Variants in MAPK10 observed in about 807,000 individuals in gnomAD.
The protein encoded by MAPK10 is mitogen-activated protein kinase 10.
A neutral mutation model predicts 59.3 loss-of-function variants in MAPK10; 25 were observed. That is an observed-to-expected ratio of 0.42 (90% CI 0.31 to 0.59). The LOEUF is 0.59. Among genes scored for constraint, MAPK10 ranks in the 20% least tolerant of loss-of-function variants. The pLI is 0.15. For synonymous variants in MAPK10, 190 were observed against 200.5 expected (o/e 0.95, Z 0.44); for missense variants, 351 against 568.9 (o/e 0.62, Z 3.90).
intron 2 of MAPK10, among the ~76,000 whole-genome samples, chr4:86,252,396 G>A (rs1486358993): frequency 8.9e-6 from 1 of 112,316 alleles, no homozygotes; most frequent in African/African-American, 5.1e-5. Context: ...CATATGGCTA[G>A]CCAGTTTTCC....
chr4:86,099,432 C>T (rs1224687512), intron 8 of MAPK10: 1 of 152,184 alleles, frequency 6.6e-6, no homozygotes, highest in East Asian at 1.9e-4. Flanking sequence ...TCATTATGGA[C>T]AAAGGGAACT....
intron 1 of MAPK10, among the ~76,000 whole-genome samples, chr4:86,472,884 G>A (rs1392801652): frequency 6.6e-6 from 1 of 152,162 alleles, no homozygotes; most frequent in African/African-American, 2.4e-5. Context: ...GTACCCCAGG[G>A]AGAGGGTATT....
chr4:86,059,705 G>T (rs1164308031), intron 11 of MAPK10, among the ~76,000 whole-genome samples: 1 of 152,046 alleles, frequency 6.6e-6, no homozygotes, highest in African/African-American at 2.4e-5. Context: ...AGCCAAATTG[G>T]TTGAATTAGT....
chr4:86,357,111 T>C (rs1385001266), intron 1 of MAPK10: 1 of 152,208 alleles, frequency 6.6e-6, no homozygotes, highest in Non-Finnish European at 1.5e-5. Flanking sequence ...ATGTGTTTGC[T>C]TCTCATTCTA....
chr4:86,210,232 T>TAA (rs2085395038), intron 2 of MAPK10, among the ~76,000 whole-genome samples: 1 of 151,926 alleles, frequency 6.6e-6, no homozygotes, highest in Non-Finnish European at 1.5e-5. Context: ...ATTTCTTGAG[T>TAA]AATACCCCAC....
At chr4:86,372,568 GAAAAGAAAAGA>G (rs1439144669) in intron 1 of MAPK10, among the ~76,000 whole-genome samples, 12 of 29,086 alleles carry the variant, frequency 4.1e-4, no homozygotes, top group Middle Eastern at 0.022. Context: ...AAGAAAGAAA[GAAAAGAAAAGA>G]AAAGAAAAGA....
At chr4:86,316,191 A>G (rs920889183) in intron 2 of MAPK10, among the ~76,000 whole-genome samples, 3 of 152,210 alleles carry the variant, frequency 2.0e-5, no homozygotes, top group Non-Finnish European at 4.4e-5. Context: ...AAAAAGAGAT[A>G]GCAAATGGAA....
At chr4:86,416,592 T>C (rs561133163) in intron 1 of MAPK10, among the ~76,000 whole-genome samples, 4 of 152,178 alleles carry the variant, frequency 2.6e-5, no homozygotes, top group Non-Finnish European at 5.9e-5. Context: ...CTCCTGCTAC[T>C]GATGACAAGG....
intron 2 of MAPK10, among the ~76,000 whole-genome samples, chr4:86,252,454 C>G (rs1250535417): frequency 7.7e-6 from 1 of 130,658 alleles, no homozygotes; most frequent in Admixed American, 7.5e-5. Context: ...GCTTGTTTTT[C>G]TCAGGTTTGT....
intron 1 of MAPK10, among the ~76,000 whole-genome samples, chr4:86,490,226 A>C (rs1024368304): frequency 2.0e-5 from 3 of 152,202 alleles, no homozygotes; most frequent in Admixed American, 6.5e-5. Context: ...CTACTGCAAC[A>C]GTAGTATCTT....
intron 2 of MAPK10, among the ~76,000 whole-genome samples, chr4:86,280,988 G>A (rs955876898): frequency 2.6e-5 from 4 of 152,030 alleles, no homozygotes; most frequent in Non-Finnish European, 5.9e-5. Flanking sequence ...ACCACCTATA[G>A]GGTACAATGC....
At chr4:86,086,988 A>G (rs2052018155) in intron 9 of MAPK10, among the ~76,000 whole-genome samples, 1 of 152,164 alleles carries the variant, frequency 6.6e-6, no homozygotes, top group Non-Finnish European at 1.5e-5. Flanking sequence ...ATGTCCCCAT[A>G]CAAGAGCTCC....
chr4:86,217,716 G>GT (rs776604585), intron 2 of MAPK10, among the ~76,000 whole-genome samples: 26 of 151,864 alleles, frequency 1.7e-4, no homozygotes, highest in Non-Finnish European at 3.7e-4. Flanking sequence ...AGAAAAGATG[G>GT]TATTTTTTTC....
At chr4:86,353,330 A>G (rs1172792199) in intron 2 of MAPK10, among the ~76,000 whole-genome samples, 1 of 152,198 alleles carries the variant, frequency 6.6e-6, no homozygotes, top group Non-Finnish European at 1.5e-5. Context: ...AAAGCTAAAC[A>G]TTCTACCTAC....
In MAPK10 at chr4:86,468,971, T is replaced by C. The variant is rs148863448; in HGVS notation, c.-262-114327A>G. Among the ~76,000 whole-genome samples, 877 of 152,232 alleles carry C rather than the reference T, an allele frequency of 5.8e-3. 6 individuals are homozygous for C. The highest frequency in any genetic ancestry group is 0.019 in the African/African-American group (783 of 41,544). On this transcript the variant is annotated intron_variant, in intron 1 of 4. Coordinates refer to the MAPK10 transcript ENST00000502302. ...TTGACCAGGCTGGTCAGGGGATTCA[T>C]AAGAAATACAAATGAAGAAAGTGGG...
At chr4:86,528,227 T>C (rs972347119) in intron 1 of MAPK10, among the ~76,000 whole-genome samples, 1 of 152,120 alleles carries the variant, frequency 6.6e-6, no homozygotes, top group Non-Finnish European at 1.5e-5. Context: ...AACCATAGAA[T>C]GTGGAAATAT....
intron 4 of MAPK10, among the ~76,000 whole-genome samples, chr4:86,130,936 G>A (rs1262131995): frequency 3.9e-5 from 6 of 152,156 alleles, no homozygotes; most frequent in African/African-American, 1.4e-4. Flanking sequence ...CTTGTTCACA[G>A]ATTCTAGTGC....
intron 1 of MAPK10, among the ~76,000 whole-genome samples, chr4:86,418,392 T>C (rs1392599084): frequency 6.6e-6 from 1 of 152,240 alleles, no homozygotes; most frequent in Non-Finnish European, 1.5e-5. Context: ...TCCATTTTTA[T>C]GCATCAACTA....
intron 11 of MAPK10, among the ~76,000 whole-genome samples, chr4:86,034,717 A>G (rs1483723840): frequency 1.3e-5 from 2 of 152,220 alleles, no homozygotes; most frequent in Non-Finnish European, 2.9e-5. Context: ...TATATGGTCT[A>G]AGGGAACAGG....
Sources: allele counts gnomAD v4.1 joint callset (sites outside exome capture counted in the v4.1 genomes callset), GRCh38; gene constraint gnomAD v4.1.1; transcripts MANE v1.5; gene names NCBI Gene and HGNC (gene_info 2026-07-23, HGNC 2026-07-21).